The following SCHIP1 variants were observed in gnomAD, a reference collection of about 807,000 sequenced individuals.
SCHIP1 encodes schwannomin-interacting protein 1.
A neutral mutation model predicts 29.7 loss-of-function variants in SCHIP1; 8 were observed. The observed-to-expected ratio is 0.27, with a 90% CI of 0.16 to 0.49. The LOEUF (loss-of-function observed/expected upper bound fraction) is 0.49. SCHIP1 is among the 20% of genes least tolerant of loss of function. The pLI is 0.99. For synonymous variants in SCHIP1, 76 were observed against 94.9 expected (o/e 0.80, Z 1.16); for missense variants, 193 against 294.6 (o/e 0.66, Z 2.52).
chr3:159,372,222 A>T, the SCHIP1 span, among the ~76,000 whole-genome samples: 5 of 152,160 alleles, frequency 3.3e-5, no homozygotes, highest in African/African-American at 7.2e-5. Context: ...GAAAAAAATT[A>T]GTCTTAAAAT....
the SCHIP1 span, among the ~76,000 whole-genome samples, chr3:159,377,162 G>GTAGT: frequency 1.3e-5 from 2 of 152,204 alleles, no homozygotes; most frequent in Admixed American, 6.5e-5. Context: ...AATGGAATGA[G>GTAGT]TAGTTCTAAA....
At chr3:159,486,775 C>G in the SCHIP1 span, among the ~76,000 whole-genome samples, 12 of 152,230 alleles carry the variant, frequency 7.9e-5, no homozygotes, top group East Asian at 1.2e-3. Context: ...GGGCTCCTTC[C>G]ATCTACCTGG....
At chr3:159,293,298 C>A in the SCHIP1 span, among the ~76,000 whole-genome samples, 2 of 152,130 alleles carry the variant, frequency 1.3e-5, no homozygotes, top group Non-Finnish European at 2.9e-5. Flanking sequence ...AGCCATGTTC[C>A]CATGTGGATA....
chr3:159,840,107 G>A (rs1560076819), exon 1 of SCHIP1: 3 of 1,529,332 alleles, frequency 2.0e-6, no homozygotes, highest in East Asian at 2.5e-5. Context: ...TCCGCCCGCC[G>A]GTGGATGCTC....
chr3:159,585,169 A>G, the SCHIP1 span, among the ~76,000 whole-genome samples: 4 of 151,890 alleles, frequency 2.6e-5, no homozygotes, highest in Non-Finnish European at 5.9e-5. Flanking sequence ...CTTCTGTATT[A>G]TGGTTTTTGC....
the SCHIP1 span, among the ~76,000 whole-genome samples, chr3:159,550,747 G>C: frequency 4.6e-5 from 7 of 151,586 alleles, no homozygotes; most frequent in African/African-American, 1.5e-4. Flanking sequence ...CTGTATTTAG[G>C]GTGAACTATA....
At chr3:159,855,856 G>A (rs558300431) in intron 1 of SCHIP1, among the ~76,000 whole-genome samples, 1 of 152,214 alleles carries the variant, frequency 6.6e-6, no homozygotes, top group South Asian at 2.1e-4. Context: ...CAGGGGGAAA[G>A]GTCACTTTCT....
the SCHIP1 span, among the ~76,000 whole-genome samples, chr3:159,825,427 G>T: frequency 6.6e-6 from 1 of 152,284 alleles, no homozygotes; most frequent in South Asian, 2.1e-4. Flanking sequence ...CAAAGGTCTT[G>T]CCAGGCTTAG....
the SCHIP1 span, among the ~76,000 whole-genome samples, chr3:159,556,238 G>C: frequency 6.6e-6 from 1 of 152,084 alleles, no homozygotes; most frequent in Non-Finnish European, 1.5e-5. Flanking sequence ...ACACCAGTTA[G>C]AATGGCAATC....
the SCHIP1 span, among the ~76,000 whole-genome samples, chr3:159,683,612 G>A: frequency 8.9e-4 from 135 of 152,256 alleles, no homozygotes; most frequent in Non-Finnish European, 1.6e-3. Flanking sequence ...TGTCTCACTA[G>A]CCCTGTTCCC....
chr3:159,743,566 T>A, the SCHIP1 span, among the ~76,000 whole-genome samples: 2 of 152,308 alleles, frequency 1.3e-5, no homozygotes, highest in East Asian at 3.9e-4. Context: ...TTACTTGAGT[T>A]TACACATTTT....
At chr3:159,875,232 ATT>A (rs1227112883) in intron 2 of SCHIP1, among the ~76,000 whole-genome samples, 1 of 152,146 alleles carries the variant, frequency 6.6e-6, no homozygotes, top group African/African-American at 2.4e-5. Context: ...TATTTGTGAA[ATT>A]TTCTTTGTCT....
At chr3:159,531,372 A>G in the SCHIP1 span, among the ~76,000 whole-genome samples, 2 of 152,162 alleles carry the variant, frequency 1.3e-5, no homozygotes, top group Non-Finnish European at 2.9e-5. Context: ...CTCAAGTCTC[A>G]CCTTTTACAA....
At chr3:159,607,499 G>A in the SCHIP1 span, among the ~76,000 whole-genome samples, 27 of 152,266 alleles carry the variant, frequency 1.8e-4, no homozygotes, top group Non-Finnish European at 2.2e-4. Context: ...TGTTCTTGCT[G>A]GTAAAATGAG....
chr3:159,634,532 T>G, the SCHIP1 span, among the ~76,000 whole-genome samples: 1 of 152,192 alleles, frequency 6.6e-6, no homozygotes, highest in East Asian at 1.9e-4. Context: ...AAATTTATCT[T>G]CCTTTTGTTA....
chr3:159,309,813 C>CA, the SCHIP1 span, among the ~76,000 whole-genome samples: 3 of 152,190 alleles, frequency 2.0e-5, no homozygotes, highest in South Asian at 6.2e-4. Context: ...CGGGGTCCAC[C>CA]ATGCAATATT....
the SCHIP1 span, among the ~76,000 whole-genome samples, chr3:159,649,298 AC>A: frequency 6.6e-6 from 1 of 152,118 alleles, no homozygotes; most frequent in Non-Finnish European, 1.5e-5. Context: ...TTCTCTCTCT[AC>A]CCCAAAAGTG....
At chr3:159,375,062 T>C in the SCHIP1 span, among the ~76,000 whole-genome samples, 5 of 152,232 alleles carry the variant, frequency 3.3e-5, no homozygotes, top group Non-Finnish European at 7.3e-5. Flanking sequence ...TTTTTCCTGT[T>C]CCTTTTTACC....
the SCHIP1 span, among the ~76,000 whole-genome samples, chr3:159,628,870 A>C: frequency 2.2e-4 from 33 of 152,288 alleles, no homozygotes; most frequent in East Asian, 4.6e-3. Flanking sequence ...TATGTGTAAA[A>C]ATTTACTAAA....
Sources: allele counts gnomAD v4.1 joint callset (sites outside exome capture counted in the v4.1 genomes callset), GRCh38; gene constraint gnomAD v4.1.1; transcripts MANE v1.5; gene names NCBI Gene and HGNC (gene_info 2026-07-23, HGNC 2026-07-21).